Variants in ZNF732 observed in about 807,000 individuals in gnomAD.
The protein encoded by ZNF732 is zinc finger protein LOC654254.
In ZNF732, 12 loss-of-function variants were observed where a neutral mutation model predicts 11.5. That is an observed-to-expected ratio of 1.05 (90% CI 0.67 to 1.70). The LOEUF (loss-of-function observed/expected upper bound fraction) is 1.70. ZNF732 is among the 40% of genes most tolerant of loss of function. The pLI is 0.00. For synonymous variants in ZNF732, 231 were observed against 236.5 expected (o/e 0.98, Z 0.21); for missense variants, 702 against 676.9 (o/e 1.04, Z -0.41).
intron 3 of ZNF732, among the ~76,000 whole-genome samples, chr4:290,064 G>A (rs1719808926): frequency 1.3e-5 from 2 of 152,164 alleles, no homozygotes; most frequent in Non-Finnish European, 2.9e-5. Context: ...AAATCTTAAA[G>A]CCATTATTTT....
chr4:286,124 C>T (rs1719724120), intron 3 of ZNF732, among the ~76,000 whole-genome samples: 1 of 152,162 alleles, frequency 6.6e-6, no homozygotes, highest in Non-Finnish European at 1.5e-5. Flanking sequence ...ATTGCAGCAG[C>T]TATGCATATT....
chr4:300,549 G>A (rs1720095861), intron 1 of ZNF732, among the ~76,000 whole-genome samples: 1 of 152,044 alleles, frequency 6.6e-6, no homozygotes, highest in Non-Finnish European at 1.5e-5. Context: ...TCAAAGAGGG[G>A]AACAGTACAT....
chr4:284,416 C>G (rs2108655622), intron 3 of ZNF732, among the ~76,000 whole-genome samples: 1 of 151,988 alleles, frequency 6.6e-6, no homozygotes, highest in East Asian at 1.9e-4. Flanking sequence ...TAGAATGTAA[C>G]AAAAGCAGTT....
At chr4:283,546 G>A in intron 3 of ZNF732, among the ~76,000 whole-genome samples, 1 of 150,678 alleles carries the variant, frequency 6.6e-6, no homozygotes. Flanking sequence ...AGTGATAAGA[G>A]GCTAATCTGT....
At chr4:280,618 A>C (rs978190660) in intron 3 of ZNF732, among the ~76,000 whole-genome samples, 5 of 152,138 alleles carry the variant, frequency 3.3e-5, no homozygotes, top group African/African-American at 1.2e-4. Context: ...CTGAAAAAGG[A>C]AATTTATGGG....
intron 3 of ZNF732, among the ~76,000 whole-genome samples, chr4:292,314 T>G (rs1553841433): frequency 1.3e-5 from 2 of 151,948 alleles, no homozygotes; most frequent in African/African-American, 4.8e-5. Flanking sequence ...GATAAAAAAT[T>G]TGGGAGGCCG....
At chr4:275,544 C>A (rs143419790) in intron 3 of ZNF732, among the ~76,000 whole-genome samples, 1 of 151,644 alleles carries the variant, frequency 6.6e-6, no homozygotes, top group African/African-American at 2.4e-5. Context: ...AGGTATAAAG[C>A]TGAACAGCTA....
At chr4:276,099 A>C (rs1199888784) in intron 3 of ZNF732, among the ~76,000 whole-genome samples, 1 of 151,826 alleles carries the variant, frequency 6.6e-6, no homozygotes, top group African/African-American at 2.4e-5. Flanking sequence ...TCAAATCACA[A>C]AAGTGTTACA....
In ZNF732 at chr4:299,421, A is replaced by ATGTG. The variant is rs1720043106; in HGVS notation, c.4-3267_4-3266insCACA. Among the ~76,000 whole-genome samples, 13 of 107,806 alleles carry ATGTG rather than the reference A, an allele frequency of 1.2e-4. 1 individual carries two copies. Among genetic ancestry groups the ATGTG allele is most frequent in the Admixed American group, 4.3e-4 (4 of 9,342 alleles). The allele number at this position is 107,806 out of a possible 152,430, so 70.7% of individuals were successfully genotyped here. A position where few individuals can be genotyped will look rare whatever the true frequency, so the allele number is the denominator to read the frequency against. On this transcript the variant is annotated intron_variant, in intron 1 of 3. Coordinates refer to ENST00000419098, the MANE Select transcript of ZNF732 (RefSeq NM_001137608.3). ...CATATGTGTATATATATATACACATATATACACATATGTGTATATATATAT... is the reference window on the plus strand; with the variant it reads ...CATATGTGTATATATATATACACATATGTGTATACACATATGTGTATATATATAT...
Position 271,226 on chromosome 4 carries a change from A to G in ZNF732, c.1631T>C (p.Val544Ala), listed in dbSNP as rs561907401. The G allele has an allele frequency of 9.6e-6, 15 of 1,558,122 alleles. No individual in the cohort carries two copies. Among genetic ancestry groups the G allele is most frequent in the Admixed American group, 5.8e-5 (3 of 51,296 alleles). ...ECGKAFRRSRVLNKYKTIHTG... is the reference protein window; with the variant it reads ...ECGKAFRRSRALNKYKTIHTG... ...ATGAATTGTCTTATATTTATTCAGGACTCTGGAACGTCTAAATGCTTTGCC... is the reference window on the plus strand; with the variant it reads ...ATGAATTGTCTTATATTTATTCAGGGCTCTGGAACGTCTAAATGCTTTGCC... Residue 544 changes from valine to alanine, a missense_variant, in exon 4 of 4, where the codon GTC (valine) becomes GCC (alanine). Val to Ala is a moderately conservative substitution (Grantham distance 64). Coordinates refer to ENST00000419098, the MANE Select transcript of ZNF732 (RefSeq NM_001137608.3).
rs1160813856 is a variant in ZNF732, at chr4:297,628, A to C, written c.4-1473T>G. ...TTTGTAAAAAAAAAAAAAAAAAAAAAAAAACTGCAGGGATGGAGAACAGGT... is the reference window on the plus strand; with the variant it reads ...TTTGTAAAAAAAAAAAAAAAAAAAACAAAACTGCAGGGATGGAGAACAGGT... On this transcript the variant is annotated intron_variant, in intron 1 of 3. Coordinates refer to ENST00000419098, the MANE Select transcript of ZNF732 (RefSeq NM_001137608.3). Among the ~76,000 whole-genome samples the C allele has an allele frequency of 2.0e-5, 3 of 151,786 alleles. 1 individual carries two copies. The East Asian group carries it at 5.8e-4, about 29-fold the overall frequency.
At chr4:290,311 G>C (rs1719817684) in intron 3 of ZNF732, among the ~76,000 whole-genome samples, 1 of 152,184 alleles carries the variant, frequency 6.6e-6, no homozygotes, top group Non-Finnish European at 1.5e-5. Flanking sequence ...CACAGAGTTT[G>C]GTCTTACTGA....
At chr4:302,636 T>C (rs1720140948) in intron 1 of ZNF732, among the ~76,000 whole-genome samples, 1 of 152,238 alleles carries the variant, frequency 6.6e-6, no homozygotes, top group Admixed American at 6.5e-5. Flanking sequence ...TTCTTGCTAT[T>C]CACTTTTCAA....
At position 271,790 on chromosome 4, in the gene ZNF732, T is replaced by C. The variant is rs548755049; in HGVS notation, c.1067A>G (p.His356Arg). 10 of 1,612,516 alleles carry C rather than the reference T, an allele frequency of 6.2e-6. No homozygotes were observed. The South Asian group carries it at 9.9e-5, about 16-fold the overall frequency. ...ACATTTGTAGGGCTTCTCTCCAGTA[T>C]GAATTCTCTTATGTTCATTCAGAAC... ...SSVLNEHKRIHTGEKPYKCEQ... is the reference protein window; with the variant it reads ...SSVLNEHKRIRTGEKPYKCEQ... The change falls in exon 4 of 4, where the codon CAT becomes CGT. Residue 356 changes from histidine to arginine, a missense_variant. By Grantham distance (29) the His-to-Arg change is conservative. Around this residue, in one of 3 missense-constraint regions of ZNF732, gnomAD observed 596 missense variants for 557.9 expected, o/e 1.07. Transcript: ENST00000419098.
At chr4:287,781 A>T (rs1428846026) in intron 3 of ZNF732, among the ~76,000 whole-genome samples, 1 of 151,924 alleles carries the variant, frequency 6.6e-6, no homozygotes, top group Non-Finnish European at 1.5e-5. Flanking sequence ...CTTCAGATAT[A>T]CTTTGGATAT....
rs1720205432 is a variant in ZNF732, at chr4:305,172, A to G, written c.3+136T>C. The G allele has an allele frequency of 4.9e-6, 6 of 1,222,460 alleles. No homozygotes were observed. In the South Asian group the frequency reaches 9.2e-5, roughly 19 times the overall value. The allele number at this position is 1,222,460 out of a possible 1,614,324, so 75.7% of individuals were successfully genotyped here. A position where few individuals can be genotyped will look rare whatever the true frequency, so the allele number is the denominator to read the frequency against. ...GGACCGACATGAACCCGGGTCCCTC[A>G]CCGGAAGGGACCAAGGACTGAGGGC... On this transcript the variant is annotated intron_variant, in intron 1 of 3. Transcript: ENST00000419098.
chr4:304,947 A>G (rs1720199152), intron 1 of ZNF732, among the ~76,000 whole-genome samples: 2 of 152,204 alleles, frequency 1.3e-5, no homozygotes, highest in African/African-American at 2.4e-5. Flanking sequence ...ATGTTTTGAT[A>G]GGGCCTCGAT....
rs182203311 is a variant in ZNF732, at chr4:301,815, T to C, written c.3+3493A>G. On this transcript the variant is annotated intron_variant, in intron 1 of 3. Transcript: ENST00000419098. ...TACACCAACATGGCACATGTATACATATGTAACAAACCTGCACGTTGTGCA... is the reference window on the plus strand; with the variant it reads ...TACACCAACATGGCACATGTATACACATGTAACAAACCTGCACGTTGTGCA... Among the ~76,000 whole-genome samples the C allele has an allele frequency of 9.2e-5, 14 of 152,278 alleles. No individual in the cohort carries two copies. In the East Asian group the frequency reaches 2.7e-3, roughly 29 times the overall value.
In ZNF732 at chr4:270,988, A is replaced by T; in HGVS notation, c.*111T>A. 1 of 984,974 alleles carries T rather than the reference A, an allele frequency of 1.0e-6. No homozygotes were observed. Among genetic ancestry groups the T allele is most frequent in the Non-Finnish European group, 1.5e-6 (1 of 653,776 alleles). The allele number at this position is 984,974 out of a possible 1,614,324, so 61.0% of individuals were successfully genotyped here. Reference sequence around the variant, plus strand: ...TTTCATTCAGGGTTGTGGACCATCCAAAAGCTTTGCCACATTCTTCACATT... The same window carrying T: ...TTTCATTCAGGGTTGTGGACCATCCTAAAGCTTTGCCACATTCTTCACATT... On this transcript the variant is annotated 3_prime_UTR_variant, in exon 4 of 4. Coordinates refer to ENST00000419098, the MANE Select transcript of ZNF732 (RefSeq NM_001137608.3).
Sources: allele counts gnomAD v4.1 joint callset (sites outside exome capture counted in the v4.1 genomes callset), GRCh38; gene constraint gnomAD v4.1.1; regional missense constraint gnomAD v4.1.1; transcripts MANE v1.5; gene names NCBI Gene and HGNC (gene_info 2026-07-23, HGNC 2026-07-21).